Variants in NRDC observed in about 807,000 individuals in gnomAD.
NRDC encodes nardilysin.
NRDC carries 54 observed loss-of-function variants against 147.1 expected under a neutral mutation model. That is an observed-to-expected ratio of 0.37 (90% confidence interval 0.29 to 0.46). The LOEUF is 0.46. NRDC is among the 20% of genes least tolerant of loss of function. NRDC has a pLI of 1.00. For missense variants in NRDC, 1,082 were observed against 1,370.6 expected, an observed-to-expected ratio of 0.79 and a Z score of 3.33; for synonymous variants, 440 against 482.1, an observed-to-expected ratio of 0.91 and a Z score of 1.14.
intron 1 of NRDC, 146 bp from the exon 2 acceptor site, chr1:51,840,660 T>C (rs1681225360): frequency 3.2e-6 from 2 of 622,254 alleles, no homozygotes; most frequent in Non-Finnish European, 2.7e-6. Context: ...CTAATAAAAT[T>C]GGTTGCTCTG....
intron 7 of NRDC, 30 bp downstream of exon 7, chr1:51,823,634 G>T: frequency 6.4e-6 from 10 of 1,572,678 alleles, no homozygotes; most frequent in Non-Finnish European, 8.7e-6. Context: ...CTACTTCAAG[G>T]TAACTCTAAG....
At chr1:51,799,323 TCTC>T (rs1679078638) in intron 21 of NRDC, among the ~76,000 whole-genome samples, 1 of 152,080 alleles carries the variant, frequency 6.6e-6, no homozygotes, top group Non-Finnish European at 1.5e-5. Flanking sequence ...ATTAGGTATT[TCTC>T]CTAACACTAT....
rs369120725 is a variant in NRDC, at chr1:51,816,233, G to T, written c.1439+79C>A. The T allele has an allele frequency of 1.3e-4, 95 of 754,760 alleles. No individual in the cohort carries two copies. The East Asian group carries it at 1.7e-3, about 14-fold the overall frequency. 46.8% of individuals were successfully genotyped at this position (754,760 alleles called of 1,614,324 possible). A position where few individuals can be genotyped will look rare whatever the true frequency, so the allele number is the denominator to read the frequency against. Reference sequence around the variant, plus strand: ...AGGCTTCCTGGCAGCTAAAGTAAAAGAATGCATTATATAATACTTATTGTC... The same window carrying T: ...AGGCTTCCTGGCAGCTAAAGTAAAATAATGCATTATATAATACTTATTGTC... On this transcript the variant is annotated intron_variant, in intron 11 of 30. Transcript: ENST00000352171.
At chr1:51,838,852 C>T (rs1488812215) in intron 2 of NRDC, among the ~76,000 whole-genome samples, 1 of 152,116 alleles carries the variant, frequency 6.6e-6, no homozygotes, top group Non-Finnish European at 1.5e-5. Context: ...AGCATACAGA[C>T]TATCAAGTGA....
chr1:51,826,957 G>A (rs928337591), intron 5 of NRDC, among the ~76,000 whole-genome samples: 10 of 152,130 alleles, frequency 6.6e-5, no homozygotes, highest in African/African-American at 2.4e-4. Context: ...AATATGAAAA[G>A]TGCTTTTAGT....
At chr1:51,803,129 A>AAGG (rs1417701759) in intron 20 of NRDC, among the ~76,000 whole-genome samples, 16 of 152,334 alleles carry the variant, frequency 1.1e-4, no homozygotes, top group African/African-American at 3.8e-4. Flanking sequence ...ATGAGGAAGT[A>AAGG]AGGGCACAAG....
rs764509647 is a variant in NRDC, at chr1:51,878,479, G to A, written c.137C>T (p.Pro46Leu). The change falls in exon 1 of 31, where the codon CCT becomes CTT. Residue 46 changes from proline to leucine, a missense_variant. Transcript: ENST00000352171. ...GTTCCTTCCAGGCATGGCCAGAATA[G>A]GAAAGGGTCTGGCAGCAGCAGAGTC... ...CEDSAAARPF[P>L]ILAMPGRNKA... The A allele has an allele frequency of 5.1e-5, 83 of 1,613,858 alleles. No individual in the cohort carries two copies. In the Admixed American group the frequency reaches 1.4e-3, roughly 27 times the overall value.
chr1:51,800,517 C>CA (rs1336149205), intron 21 of NRDC, 39 bp downstream of exon 21: 3 of 1,609,516 alleles, frequency 1.9e-6, no homozygotes, highest in Non-Finnish European at 2.5e-6. Flanking sequence ...GTAATACTTT[C>CA]AGGTCCTCAA....
At chr1:51,863,474 G>A (rs1682653739) in intron 1 of NRDC, among the ~76,000 whole-genome samples, 1 of 152,012 alleles carries the variant, frequency 6.6e-6, no homozygotes, top group Non-Finnish European at 1.5e-5. Flanking sequence ...AAAATTACAA[G>A]ACAAAACAGC....
At chr1:51,832,369 T>C (rs888132020) in intron 4 of NRDC, among the ~76,000 whole-genome samples, 5 of 152,134 alleles carry the variant, frequency 3.3e-5, no homozygotes, top group Admixed American at 2.6e-4. Flanking sequence ...AAATATTAGA[T>C]CTCTATCATG....
At chr1:51,839,591 A>G (rs2149222382) in intron 2 of NRDC, among the ~76,000 whole-genome samples, 1 of 152,342 alleles carries the variant, frequency 6.6e-6, no homozygotes, top group Admixed American at 6.5e-5. Context: ...AATTCTCCCT[A>G]TCAAGACTTA....
chr1:51,837,196 A>G (rs1216984983), intron 2 of NRDC, among the ~76,000 whole-genome samples: 2 of 152,214 alleles, frequency 1.3e-5, no homozygotes, highest in Non-Finnish European at 1.5e-5. Flanking sequence ...GTTTTCTTCA[A>G]ACTTTTGTAA....
At chr1:51,833,989 A>C in intron 4 of NRDC, 28 bp downstream of exon 4, 1 of 1,596,098 alleles carries the variant, frequency 6.3e-7, no homozygotes, top group East Asian at 2.2e-5. Context: ...TAGATCATTA[A>C]AATTAAAGTA....
chr1:51,827,348 T>C (rs1275899675), intron 5 of NRDC, among the ~76,000 whole-genome samples: 2 of 152,174 alleles, frequency 1.3e-5, no homozygotes, highest in African/African-American at 4.8e-5. Context: ...GCCTAACCTA[T>C]ATGAACTGGA....
intron 2 of NRDC, among the ~76,000 whole-genome samples, chr1:51,839,160 C>CT (rs5774110): frequency 0.5 from 66,346 of 133,498 alleles, 17,729 homozygotes; most frequent in East Asian, 0.93. Flanking sequence ...TTTTCTTTTT[C>CT]TTTTTTTTTT....
intron 9 of NRDC, among the ~76,000 whole-genome samples, chr1:51,818,366 G>A (rs1375155024): frequency 6.6e-6 from 1 of 152,154 alleles, no homozygotes; most frequent in Non-Finnish European, 1.5e-5. Context: ...GAACTATGAG[G>A]ATATGAAATG....
intron 1 of NRDC, among the ~76,000 whole-genome samples, chr1:51,846,307 T>C (rs1052016558): frequency 8.6e-5 from 13 of 152,042 alleles, no homozygotes; most frequent in Admixed American, 7.9e-4. Context: ...GAGACGGGGT[T>C]TTCACCATGT....
chr1:51,836,348 G>C (rs998209943), intron 2 of NRDC, 136 bp from the exon 3 acceptor site: 1 of 1,610,324 alleles, frequency 6.2e-7, no homozygotes. Context: ...GAATCAGGAG[G>C]AGCAGCAAAG....
At chr1:51,796,999 G>A (rs1450693545) in intron 22 of NRDC, among the ~76,000 whole-genome samples, 1 of 151,494 alleles carries the variant, frequency 6.6e-6, no homozygotes, top group Non-Finnish European at 1.5e-5. Flanking sequence ...AGGAGATCGA[G>A]ACCATCCTGG....
Sources: allele counts gnomAD v4.1 joint callset (sites outside exome capture counted in the v4.1 genomes callset), GRCh38; gene constraint gnomAD v4.1.1; transcripts MANE v1.5; gene names NCBI Gene and HGNC (gene_info 2026-07-23, HGNC 2026-07-21).